The following SMARCA2 variants were observed in gnomAD, a reference collection of about 807,000 sequenced individuals.
The protein encoded by SMARCA2 is SWI/SNF related BAF chromatin remodeling complex subunit ATPase 2.
Under a neutral mutation model 199.8 loss-of-function variants are expected in SMARCA2, and 61 were observed. The observed-to-expected ratio is 0.31, with a 90% confidence interval of 0.25 to 0.38. The LOEUF is 0.38. Ranked by LOEUF, SMARCA2 falls within the 10% of genes least tolerant of loss-of-function variation. The probability of loss-of-function intolerance (pLI) is 1.00; values close to 1 mark genes in which losing one functional copy is unlikely to be tolerated. For synonymous variants in SMARCA2, 935 were observed against 732.0 expected (o/e 1.28, Z -4.48); for missense variants, 1,344 against 2,012.2 (o/e 0.67, Z 6.35).
chr9:2,177,945 T>C (rs1040358430), intron 29 of SMARCA2, among the ~76,000 whole-genome samples: 4 of 152,102 alleles, frequency 2.6e-5, no homozygotes, highest in Admixed American at 2.6e-4. Flanking sequence ...GTAAAGTTTA[T>C]AATGTATGCA....
chr9:2,085,337 G>A (rs775782510), intron 17 of SMARCA2, among the ~76,000 whole-genome samples: 4 of 152,134 alleles, frequency 2.6e-5, no homozygotes, highest in South Asian at 2.1e-4. Context: ...CATTGGAGAC[G>A]CCTGGTAATG....
chr9:2,188,840 T>A (rs1827674445), intron 32 of SMARCA2, among the ~76,000 whole-genome samples: 1 of 152,198 alleles, frequency 6.6e-6, no homozygotes, highest in African/African-American at 2.4e-5. Context: ...AGAGTTCAAT[T>A]TCTTGTGTTC....
At chr9:2,083,659 C>G (rs1490153408) in intron 16 of SMARCA2, among the ~76,000 whole-genome samples, 1 of 152,174 alleles carries the variant, frequency 6.6e-6, no homozygotes, top group Non-Finnish European at 1.5e-5. Context: ...GAGAGTAATA[C>G]AAATGACAAA....
chr9:2,058,093 G>A (rs572614641), intron 7 of SMARCA2, 198 bp from the exon 8 acceptor site: 21 of 520,612 alleles, frequency 4.0e-5, no homozygotes, highest in African/African-American at 9.5e-5. Context: ...AAAGGAACCC[G>A]AAGAGGCTAT....
chr9:2,185,406 C>T lies in SMARCA2; in HGVS notation c.4462-690C>T, dbSNP rs72691214. ...TGTATAGACTATAGTTGCTTATCCA[C>T]TCATTTGTCGATGGACCCTTGGGTT... On this transcript the variant is annotated intron_variant, in intron 31 of 33. Coordinates refer to ENST00000349721, the MANE Select transcript of SMARCA2 (RefSeq NM_003070.5). 3.8e-3 allele frequency among the ~76,000 whole-genome samples: 585 copies of T among 152,290 alleles called. 1 individual carries two copies. Among genetic ancestry groups the T allele is most frequent in the East Asian group, 0.031 (160 of 5,188 alleles).
intron 27 of SMARCA2, among the ~76,000 whole-genome samples, chr9:2,143,568 G>A (rs1824569435): frequency 6.6e-6 from 1 of 152,184 alleles, no homozygotes. Flanking sequence ...CTGACAGCAG[G>A]GAGACCAGGG....
chr9:2,038,778 T>C (rs1382582270), intron 3 of SMARCA2, among the ~76,000 whole-genome samples: 1 of 152,150 alleles, frequency 6.6e-6, no homozygotes, highest in African/African-American at 2.4e-5. Flanking sequence ...AAGACTCTGC[T>C]ACTAGGGAGA....
intron 27 of SMARCA2, chr9:2,159,111 T>C (rs1825531197): frequency 8.9e-7 from 1 of 1,124,558 alleles, no homozygotes; most frequent in Non-Finnish European, 1.3e-6. Flanking sequence ...TCTTAGCTAC[T>C]CACAGATTTA....
In SMARCA2 at chr9:2,181,664, C is replaced by A. The variant is rs1586805727; in HGVS notation, c.4347C>A (p.Phe1449Leu). ...YYELIRKPVDFKKIKERIRNH... is the reference protein window; with the variant it reads ...YYELIRKPVDLKKIKERIRNH... ...AATTAATTAGGAAGCCAGTGGATTTCAAAAAAATAAAGGTAGATATTTTGT... is the reference window on the plus strand; with the variant it reads ...AATTAATTAGGAAGCCAGTGGATTTAAAAAAAATAAAGGTAGATATTTTGT... The change falls in exon 30 of 34, where the codon TTC (phenylalanine) becomes TTA (leucine). Residue 1449 changes from phenylalanine (F) to leucine (L), a missense_variant. Physicochemically the swap from Phe to Leu is conservative, Grantham distance 22. This residue lies in a region of SMARCA2 where 151 missense variants were observed against 154.0 expected (regional missense o/e 0.98). Coordinates refer to ENST00000349721, the MANE Select transcript of SMARCA2 (RefSeq NM_003070.5). The A allele has an allele frequency of 6.9e-7, 1 of 1,454,266 alleles. No individual in the cohort carries two copies. Among genetic ancestry groups the A allele is most frequent in the Non-Finnish European group, 9.6e-7 (1 of 1,036,966 alleles). 90.1% of individuals were successfully genotyped at this position (1,454,266 alleles called of 1,614,324 possible).
intron 3 of SMARCA2, among the ~76,000 whole-genome samples, chr9:2,036,691 G>T (rs1391297667): frequency 6.6e-6 from 1 of 152,022 alleles, no homozygotes; most frequent in South Asian, 2.1e-4. Flanking sequence ...AAATTTTGTT[G>T]TATTGACTAA....
Position 2,077,740 on chromosome 9 carries a change from T to A in SMARCA2, c.2148T>A (p.Ser716=), listed in dbSNP as rs776812446. 4 of 1,613,618 alleles carry A rather than the reference T, an allele frequency of 2.5e-6. No homozygotes were observed. The South Asian group carries it at 4.4e-5, about 18-fold the overall frequency. ...TCTCGGAGAGGGTGGAGAAACAGTC[T>A]GCCCTCCTAATTAATGGGACCCTAA... ...HAISERVEKQ[S]ALLINGTLKH... The change falls in exon 14 of 34, where the codon TCT becomes TCA. Residue 716 remains serine, a synonymous_variant. Transcript: ENST00000349721.
intron 27 of SMARCA2, among the ~76,000 whole-genome samples, chr9:2,136,556 T>G (rs1386636405): frequency 6.6e-6 from 1 of 152,154 alleles, no homozygotes; most frequent in African/African-American, 2.4e-5. Context: ...AAAAGCAAAT[T>G]CAATTCAACA....
chr9:2,079,367 T>C (rs1316378523), intron 14 of SMARCA2, among the ~76,000 whole-genome samples: 1 of 152,250 alleles, frequency 6.6e-6, no homozygotes, highest in Non-Finnish European at 1.5e-5. Context: ...GGAAGTGTAC[T>C]TGTTGGCATC....
intron 29 of SMARCA2, among the ~76,000 whole-genome samples, chr9:2,180,510 A>G (rs10965112): frequency 0.12 from 17,547 of 152,210 alleles, 1,104 homozygotes; most frequent in African/African-American, 0.17. Context: ...AGCTCCTAGA[A>G]TCACCTTCTG....
intron 32 of SMARCA2, among the ~76,000 whole-genome samples, chr9:2,186,889 T>A (rs1026148794): frequency 1.3e-5 from 2 of 152,218 alleles, no homozygotes; most frequent in Admixed American, 6.5e-5. Flanking sequence ...ACAACACTGC[T>A]GCTAATGCCA....
At chr9:2,067,256 A>G (rs1404907919) in intron 9 of SMARCA2, among the ~76,000 whole-genome samples, 2 of 152,264 alleles carry the variant, frequency 1.3e-5, no homozygotes, top group Admixed American at 6.5e-5. Context: ...TTTAATGAGC[A>G]TATGCTAAGT....
chr9:2,180,381 C>T (rs754298619), intron 29 of SMARCA2, among the ~76,000 whole-genome samples: 2 of 152,260 alleles, frequency 1.3e-5, no homozygotes, highest in Non-Finnish European at 2.9e-5. Flanking sequence ...TGAGTTACTG[C>T]GCATGCCTTT....
At position 2,142,919 on chromosome 9, in the gene SMARCA2, T is replaced by C. The variant is rs555086915; in HGVS notation, c.3982-18767T>C. 2.0e-5 allele frequency among the ~76,000 whole-genome samples: 3 copies of C among 152,234 alleles called. No homozygotes were observed. The South Asian group carries it at 6.2e-4, about 32-fold the overall frequency. On this transcript the variant is annotated intron_variant, in intron 27 of 33. Transcript: ENST00000349721. ...ATCTCACCAACATTTTTGGGTCCCA[T>C]TGGTGAGTAAGGCATCAATTTAAGT...
chr9:2,069,431 C>T (rs1025566368), intron 9 of SMARCA2, among the ~76,000 whole-genome samples: 3 of 151,524 alleles, frequency 2.0e-5, no homozygotes, highest in Admixed American at 6.6e-5. Context: ...TGGTGGCGGT[C>T]GCCTGTAGTC....
Sources: gnomAD v4.1 joint callset for allele counts (sites outside exome capture counted in the v4.1 genomes callset) on GRCh38, gnomAD v4.1.1 for gene constraint, gnomAD v4.1.1 regional missense constraint, MANE v1.5 for transcripts, NCBI Gene and HGNC (gene_info 2026-07-23, HGNC 2026-07-21) for gene names.